LGR4: variants seen among roughly 807,000 people sequenced by gnomAD.
LGR4 encodes the protein leucine rich repeat containing G protein-coupled receptor 4.
In LGR4, 44 loss-of-function variants were observed where a neutral mutation model predicts 84.8. The ratio of observed to expected loss-of-function variants is 0.52; its 90% CI spans 0.41 to 0.67. The LOEUF (loss-of-function observed/expected upper bound fraction) is 0.67, where lower values mean the gene tolerates loss of function less well. LGR4 is among the 30% of genes least tolerant of loss of function. The pLI is 0.00. For missense variants in LGR4, 1,032 were observed against 1,131.4 expected (o/e 0.91, Z 1.26); for synonymous variants, 429 against 434.3 (o/e 0.99, Z 0.15).
At chr11:27,402,273 G>A (rs950241798) in intron 2 of LGR4, among the ~76,000 whole-genome samples, 1 of 152,164 alleles carries the variant, frequency 6.6e-6, no homozygotes, top group East Asian at 1.9e-4. Flanking sequence ...AGGGATTTCT[G>A]AGAAAGACAG....
At chr11:27,415,416 C>T (rs572413255) in intron 1 of LGR4, among the ~76,000 whole-genome samples, 163 of 152,186 alleles carry the variant, frequency 1.1e-3, no homozygotes, top group African/African-American at 3.7e-3. Context: ...ACAATTTACA[C>T]CACACTATTC....
chr11:27,460,503 A>G (rs963247081), intron 1 of LGR4, among the ~76,000 whole-genome samples: 1 of 152,238 alleles, frequency 6.6e-6, no homozygotes, highest in African/African-American at 2.4e-5. Context: ...GGTGAAATAC[A>G]TGATTAGGTG....
chr11:27,395,437 T>G (rs1312707795), intron 2 of LGR4, among the ~76,000 whole-genome samples: 1 of 151,592 alleles, frequency 6.6e-6, no homozygotes, highest in African/African-American at 2.4e-5. Flanking sequence ...CAGAAAAGAG[T>G]GTTTGACCAC....
chr11:27,399,123 C>T (rs1863448185), intron 2 of LGR4, among the ~76,000 whole-genome samples: 1 of 152,162 alleles, frequency 6.6e-6, no homozygotes. Flanking sequence ...GTTGGTCAGG[C>T]TGGTCTCAAA....
At chr11:27,378,296 GT>G (rs373192115) in intron 11 of LGR4, among the ~76,000 whole-genome samples, 207 of 152,234 alleles carry the variant, frequency 1.4e-3, no homozygotes, top group African/African-American at 4.7e-3. Flanking sequence ...TCAGCCTAAA[GT>G]TTTTAGAAAG....
chr11:27,448,572 G>A (rs547061980), intron 1 of LGR4, among the ~76,000 whole-genome samples: 1 of 152,242 alleles, frequency 6.6e-6, no homozygotes, highest in Admixed American at 6.5e-5. Flanking sequence ...GATTACAGGC[G>A]TGAGCCACCG....
At chr11:27,389,976 A>T (rs1359169182) in intron 4 of LGR4, among the ~76,000 whole-genome samples, 5 of 152,180 alleles carry the variant, frequency 3.3e-5, no homozygotes, top group Non-Finnish European at 7.4e-5. Flanking sequence ...CTTTCATTTC[A>T]ACTAAGAATT....
intron 13 of LGR4, 64 bp downstream of exon 13, chr11:27,376,235 A>AT (rs1466422599): frequency 5.4e-6 from 5 of 921,040 alleles, no homozygotes; most frequent in Non-Finnish European, 6.9e-6. Context: ...CATGGAAATC[A>AT]TAACAACATA....
At chr11:27,471,112 A>AC (rs1238479144) in intron 1 of LGR4, among the ~76,000 whole-genome samples, 1 of 151,566 alleles carries the variant, frequency 6.6e-6, no homozygotes. Flanking sequence ...CAAAAACCCT[A>AC]CCCTGTTCCT....
At chr11:27,423,957 A>G (rs1863971476) in intron 1 of LGR4, among the ~76,000 whole-genome samples, 1 of 152,222 alleles carries the variant, frequency 6.6e-6, no homozygotes, top group Admixed American at 6.5e-5. Flanking sequence ...ACACCCAGAC[A>G]CAAACATAAA....
At chr11:27,433,251 C>T (rs929353652) in intron 1 of LGR4, among the ~76,000 whole-genome samples, 10 of 152,128 alleles carry the variant, frequency 6.6e-5, no homozygotes, top group East Asian at 1.9e-4. Context: ...CTCGCTCTGT[C>T]ATCCAGGCTG....
At chr11:27,457,117 C>A (rs907200575) in intron 1 of LGR4, among the ~76,000 whole-genome samples, 1 of 152,176 alleles carries the variant, frequency 6.6e-6, no homozygotes, top group African/African-American at 2.4e-5. Context: ...GATATTTGAA[C>A]AAGTTACCTA....
Position 27,472,156 on chromosome 11 carries a change from C to CGTCAGCCCCTTCCCGGAGCA in LGR4, c.127_146dup (p.Val51ProfsTer5). ...AGGCGCTGAGCCCCTCGGGCACGGC[C>CGTCAGCCCCTTCCCGGAGCA]GTCAGCCCCTTCCCGGAGCAGTCCA... On this transcript the variant is annotated stop_gained and frameshift_variant, in exon 1 of 18. Transcript: ENST00000379214. LOFTEE classifies it high-confidence loss of function. 1 of 1,411,092 alleles carries CGTCAGCCCCTTCCCGGAGCA rather than the reference C, an allele frequency of 7.1e-7. No individual in the cohort carries two copies. The highest frequency in any genetic ancestry group is 9.2e-7 in the Non-Finnish European group (1 of 1,082,730). The allele number at this position is 1,411,092 out of a possible 1,614,324, so 87.4% of individuals were successfully genotyped here.
chr11:27,414,867 C>T (rs1244742831), intron 1 of LGR4, among the ~76,000 whole-genome samples: 4 of 152,068 alleles, frequency 2.6e-5, no homozygotes, highest in African/African-American at 9.7e-5. Context: ...GCTTCCTGGC[C>T]TGACATGATA....
chr11:27,434,726 C>G (rs1014301299), intron 1 of LGR4, among the ~76,000 whole-genome samples: 19 of 152,148 alleles, frequency 1.2e-4, no homozygotes, highest in African/African-American at 4.6e-4. Flanking sequence ...CTATTCATAG[C>G]CCCTGAAATA....
At position 27,369,099 on chromosome 11, in the gene LGR4, G is replaced by A. The variant is rs1862832608; in HGVS notation, c.1624C>T (p.Arg542Cys). 6.2e-7 allele frequency: 1 copy of A among 1,609,870 alleles called. No individual in the cohort carries two copies. Among genetic ancestry groups the A allele is most frequent in the Non-Finnish European group, 8.5e-7 (1 of 1,178,420 alleles). Residue 542 changes from arginine to cysteine, a missense_variant, in exon 18 of 18, where the codon CGT becomes TGT. Transcript: ENST00000379214. ...AAGAAAATGAACCACACAGTAAGAC[G>A]AATCATCCAGCTTCCCAGTAAATAT... ...CEYLLGSWMI[R>C]LTVWFIFLVA...
At chr11:27,433,876 C>T (rs1339306109) in intron 1 of LGR4, among the ~76,000 whole-genome samples, 1 of 152,126 alleles carries the variant, frequency 6.6e-6, no homozygotes, top group Non-Finnish European at 1.5e-5. Flanking sequence ...GAAGCAAGTC[C>T]CTTAACTCTT....
rs181397693 is a variant in LGR4 at position 27,417,998 on chromosome 11, G to T, written c.186-5138C>A. Among the ~76,000 whole-genome samples, 331 of 152,252 alleles carry T rather than the reference G, an allele frequency of 2.2e-3. 4 individuals are homozygous for T. Among genetic ancestry groups the T allele is most frequent in the Non-Finnish European group, 4.0e-4 (27 of 68,018 alleles). ...CAAAAGGAATAGAGGTTAATTAAGG[G>T]CTTCCTTTACAAGAGGGAAAGGAGA... On this transcript the variant is annotated intron_variant, in intron 1 of 17. Transcript: ENST00000379214.
In LGR4 at chr11:27,373,940, A is replaced by G. The variant is rs73446046; in HGVS notation, c.1253+35T>C. The G allele has an allele frequency of 2.2e-3, 3,069 of 1,404,500 alleles. 53 individuals carry two copies. The African/African-American group carries it at 0.037, about 17-fold the overall frequency. 87.0% of individuals were successfully genotyped at this position (1,404,500 alleles called of 1,614,324 possible). On this transcript the variant is annotated intron_variant, in intron 14 of 17. Coordinates refer to ENST00000379214, the MANE Select transcript of LGR4 (RefSeq NM_018490.5). ...AGATGTTTCTATAGCACTAGTTACT[A>G]CTTTCATGACATTACTGCATAATCA... is the stretch of plus-strand genomic sequence containing the variant.
Sources: gnomAD v4.1 joint callset for allele counts (sites outside exome capture counted in the v4.1 genomes callset) on GRCh38, gnomAD v4.1.1 for gene constraint, MANE v1.5 for transcripts, NCBI Gene and HGNC (gene_info 2026-07-23, HGNC 2026-07-21) for gene names.